RFPL2: variants seen among roughly 807,000 people sequenced by gnomAD.
RFPL2 encodes the protein ret finger protein like 2, also known as ret finger protein-like 2.
In RFPL2, 13 loss-of-function variants were observed where a neutral mutation model predicts 17.8. The ratio of observed to expected loss-of-function variants is 0.73; its 90% CI spans 0.47 to 1.16. The LOEUF is 1.16. Ranked by LOEUF, RFPL2 falls within the 50% of genes most tolerant of loss-of-function variation. The pLI is 0.00. For missense variants in RFPL2, 431 were observed against 479.3 expected, an observed-to-expected ratio of 0.90 and a Z score of 0.94; for synonymous variants, 189 against 180.9, an observed-to-expected ratio of 1.04 and a Z score of -0.36.
Position 32,190,507 on chromosome 22 carries a change from G to A in RFPL2, c.*265C>T. On this transcript the variant is annotated 3_prime_UTR_variant, in exon 5 of 5. Coordinates refer to ENST00000652607, the MANE Select transcript of RFPL2 (RefSeq NM_001394555.1). ...AATTTGAACTTGCAGAAATAAAAAA[G>A]TAAAGCATTTGGAAATTGATCCCAG... The A allele has an allele frequency of 3.0e-6, 1 of 336,090 alleles. No individual in the cohort carries two copies. The highest frequency in any genetic ancestry group is 5.3e-6 in the Non-Finnish European group (1 of 187,664). 20.8% of individuals were successfully genotyped at this position (336,090 alleles called of 1,614,324 possible).
intron 1 of RFPL2, among the ~76,000 whole-genome samples, chr22:32,204,104 C>A (rs1467847181): frequency 1.3e-5 from 2 of 148,752 alleles, no homozygotes; most frequent in African/African-American, 5.1e-5. Flanking sequence ...CCCCCGATAG[C>A]ACCCAACCCG....
At chr22:32,193,956 T>G (rs1164645849) in intron 3 of RFPL2, among the ~76,000 whole-genome samples, 1 of 151,372 alleles carries the variant, frequency 6.6e-6, no homozygotes, top group Non-Finnish European at 1.5e-5. Context: ...GAAGATCCCT[T>G]GAACCGAGGA....
intron 4 of RFPL2, among the ~76,000 whole-genome samples, chr22:32,192,273 G>T (rs1349374283): frequency 6.6e-6 from 1 of 152,182 alleles, no homozygotes; most frequent in African/African-American, 2.4e-5. Flanking sequence ...ATCTCTTCAT[G>T]TAAATGTCCC....
chr22:32,202,300 G>C (rs1429425642), intron 2 of RFPL2, 33 bp downstream of exon 2: 2 of 1,561,542 alleles, frequency 1.3e-6, no homozygotes, highest in Non-Finnish European at 1.7e-6. Flanking sequence ...CTCCACCCTG[G>C]AGCAATGCGG....
intron 2 of RFPL2, among the ~76,000 whole-genome samples, chr22:32,196,518 G>A (rs1294448326): frequency 2.0e-5 from 3 of 152,126 alleles, no homozygotes; most frequent in South Asian, 2.1e-4. Flanking sequence ...AATTGGATCC[G>A]GTCATAAAGC....
At position 32,190,743 on chromosome 22, in the gene RFPL2, C is replaced by T; in HGVS notation, c.*29G>A. The T allele has an allele frequency of 2.7e-6, 4 of 1,494,446 alleles. No individual in the cohort carries two copies. The highest frequency in any genetic ancestry group is 2.7e-6 in the Non-Finnish European group (3 of 1,121,886). The allele number at this position is 1,494,446 out of a possible 1,614,324, so 92.6% of individuals were successfully genotyped here. Reference sequence around the variant, plus strand: ...CTACCCACCCAAGTAATTTTCTTACCCTGTTTTTTGTTTTTTTGGAGTGAG... The same window carrying T: ...CTACCCACCCAAGTAATTTTCTTACTCTGTTTTTTGTTTTTTTGGAGTGAG... On this transcript the variant is annotated 3_prime_UTR_variant, in exon 5 of 5. Coordinates refer to ENST00000652607, the MANE Select transcript of RFPL2 (RefSeq NM_001394555.1).
chr22:32,200,875 C>T (rs747445167), intron 2 of RFPL2, among the ~76,000 whole-genome samples: 2 of 151,916 alleles, frequency 1.3e-5, no homozygotes, highest in Non-Finnish European at 2.9e-5. Flanking sequence ...GGGCCCGCCT[C>T]GATTCTTCAC....
chr22:32,193,202 G>A lies in RFPL2; in HGVS notation c.266-10C>T, dbSNP rs772176086. 1 of 1,613,926 alleles carries A rather than the reference G, an allele frequency of 6.2e-7. No individual in the cohort carries two copies. The highest frequency in any genetic ancestry group is 1.1e-5 in the South Asian group (1 of 91,076). ...AGTGCAGCCATGTCCACTGCCAGGG[G>A]AAAAGTACACAAGGTAAAAAAATTT... On this transcript the variant is annotated splice_polypyrimidine_tract_variant and intron_variant, in intron 3 of 4. Transcript: ENST00000652607.
chr22:32,197,246 T>C (rs1364418826), intron 2 of RFPL2, among the ~76,000 whole-genome samples: 1 of 152,208 alleles, frequency 6.6e-6, no homozygotes, highest in Non-Finnish European at 1.5e-5. Flanking sequence ...ATTAATGTTA[T>C]AAAAGGAAAT....
chr22:32,203,073 A>C, intron 1 of RFPL2: 3 of 985,682 alleles, frequency 3.0e-6, no homozygotes, highest in Non-Finnish European at 3.6e-6. Context: ...CTTGCAGACC[A>C]CCGCTGTCAC....
chr22:32,191,027 C>T lies in RFPL2; in HGVS notation c.882G>A (p.Leu294=), dbSNP rs776743779. 15 of 1,613,840 alleles carry T rather than the reference C, an allele frequency of 9.3e-6. No homozygotes were observed. The South Asian group carries it at 1.5e-4, about 17-fold the overall frequency. ...ACTTGCGGTCTACGAAGAGGAAAGT[C>T]AGCGGCACCGTGGTGGCAGAGAGGC... is the stretch of plus-strand genomic sequence containing the variant. ...GGRLSATTVP[L]TFLFVDRKLQ... is the part of the protein sequence containing the mutation. The change falls in exon 5 of 5, where the codon CTG becomes CTA. Residue 294 remains leucine, a synonymous_variant. Coordinates refer to ENST00000652607, the MANE Select transcript of RFPL2 (RefSeq NM_001394555.1).
intron 3 of RFPL2, among the ~76,000 whole-genome samples, chr22:32,193,724 G>A (rs746700136): frequency 1.3e-5 from 2 of 152,122 alleles, no homozygotes; most frequent in South Asian, 2.1e-4. Context: ...TTAGCCAGGC[G>A]TGGTGGCACA....
chr22:32,202,630 A>T (rs942525629), intron 1 of RFPL2, 80 bp from the exon 2 acceptor site: 9 of 1,424,532 alleles, frequency 6.3e-6, no homozygotes, highest in Non-Finnish European at 8.2e-6. Context: ...GGTTTCAGCG[A>T]AGGTACTCAC....
At position 32,191,032 on chromosome 22, in the gene RFPL2, G is replaced by T. The variant is rs375435988; in HGVS notation, c.877C>A (p.Pro293Thr). The T allele has an allele frequency of 9.3e-6, 15 of 1,613,718 alleles. No individual in the cohort carries two copies. In the African/African-American group the frequency reaches 1.3e-4, roughly 14 times the overall value. ...DGGRLSATTV[P>T]LTFLFVDRKL... Reference sequence around the variant, plus strand: ...CGGTCTACGAAGAGGAAAGTCAGCGGCACCGTGGTGGCAGAGAGGCGGCCT... The same window carrying T: ...CGGTCTACGAAGAGGAAAGTCAGCGTCACCGTGGTGGCAGAGAGGCGGCCT... Residue 293 changes from proline (P) to threonine (T), a missense_variant, in exon 5 of 5, where the codon CCG (proline) becomes ACG (threonine). Pro to Thr is a conservative substitution (Grantham distance 38). Coordinates refer to ENST00000652607, the MANE Select transcript of RFPL2 (RefSeq NM_001394555.1).
chr22:32,196,368 T>G (rs1923334356), intron 2 of RFPL2, among the ~76,000 whole-genome samples: 1 of 152,260 alleles, frequency 6.6e-6, no homozygotes, highest in South Asian at 2.1e-4. Context: ...TATATATTTT[T>G]AAAAGACCTA....
intron 2 of RFPL2, among the ~76,000 whole-genome samples, chr22:32,201,109 C>T (rs554290941): frequency 4.0e-5 from 6 of 149,390 alleles, no homozygotes; most frequent in Non-Finnish European, 7.4e-5. Flanking sequence ...GCAATCTCAG[C>T]TCACTGCAAG....
At position 32,191,079 on chromosome 22, in the gene RFPL2, C is replaced by T. The variant is rs1922565761; in HGVS notation, c.830G>A (p.Trp277Ter). 1 of 1,613,848 alleles carries T rather than the reference C, an allele frequency of 6.2e-7. No individual in the cohort carries two copies. Among genetic ancestry groups the T allele is most frequent in the South Asian group, 1.1e-5 (1 of 91,084 alleles). ...GCCTCCATCCCTCAAACTCACAGTCCAGAATCCAAGCTCTGTGGTCAGCTG... is the reference window on the plus strand; with the variant it reads ...GCCTCCATCCCTCAAACTCACAGTCTAGAATCCAAGCTCTGTGGTCAGCTG... The part of the protein sequence containing the change: ...RIQLTTELGF[W>*]TVSLRDGGRL... Residue 277 changes from tryptophan to a stop codon, truncating the protein, a stop_gained, in exon 5 of 5, where the codon TGG becomes TAG. Transcript: ENST00000652607. LOFTEE classifies it low-confidence loss of function (END_TRUNC).
chr22:32,192,493 C>T (rs1922778945), intron 4 of RFPL2, among the ~76,000 whole-genome samples: 2 of 152,288 alleles, frequency 1.3e-5, no homozygotes, highest in South Asian at 2.1e-4. Context: ...ATTAGAATTA[C>T]CAGGCCCATT....
intron 2 of RFPL2, 126 bp downstream of exon 2, chr22:32,202,207 C>A: frequency 8.3e-7 from 1 of 1,210,904 alleles, no homozygotes; most frequent in Non-Finnish European, 1.1e-6. Flanking sequence ...CCTGGACTCC[C>A]CTCTCCTTCT....
Sources: gnomAD v4.1 joint callset for allele counts (sites outside exome capture counted in the v4.1 genomes callset) on GRCh38, gnomAD v4.1.1 for gene constraint, MANE v1.5 for transcripts, NCBI Gene and HGNC (gene_info 2026-07-23, HGNC 2026-07-21) for gene names.